The following TRIM37 variants were observed in gnomAD, a reference collection of about 807,000 sequenced individuals.
The protein encoded by TRIM37 is tripartite motif containing 37.
A neutral mutation model predicts 129.8 loss-of-function variants in TRIM37; 80 were observed. That is an observed-to-expected ratio of 0.62 (90% CI 0.51 to 0.74). The LOEUF is 0.74. TRIM37 is among the 30% of genes least tolerant of loss of function. The pLI, the probability that TRIM37 is intolerant of heterozygous loss-of-function variation, is 0.00. For missense variants in TRIM37, 1,054 were observed against 1,176.5 expected (o/e 0.90, Z 1.52); for synonymous variants, 389 against 387.1 (o/e 1.00, Z -0.06).
Position 59,017,393 on chromosome 17 carries a change from T to C in TRIM37, c.2289A>G (p.Pro763=). The C allele has an allele frequency of 6.2e-7, 1 of 1,614,148 alleles. No homozygotes were observed. Among genetic ancestry groups the C allele is most frequent in the African/African-American group, 1.3e-5 (1 of 75,048 alleles). The change falls in exon 20 of 24, where the codon CCA becomes CCG. Residue 763 remains proline (P), a synonymous_variant. Transcript: ENST00000262294. ...STNKKSNSPK[P]ARSSVAGSLS... is the part of the protein sequence containing the mutation. ...GACTACCTGCTACACTGGATCGAGCTGGCTTGGGCGAATTACTCTTCTTAT... is the reference window on the plus strand; with the variant it reads ...GACTACCTGCTACACTGGATCGAGCCGGCTTGGGCGAATTACTCTTCTTAT...
chr17:59,093,574 T>C (rs1372878006), intron 2 of TRIM37, among the ~76,000 whole-genome samples: 1 of 152,338 alleles, frequency 6.6e-6, no homozygotes, highest in South Asian at 2.1e-4. Flanking sequence ...CCCCTTCAGA[T>C]ACTTTATTAC....
the TRIM37 span, among the ~76,000 whole-genome samples, chr17:58,974,750 C>G: frequency 6.6e-6 from 1 of 152,090 alleles, no homozygotes; most frequent in African/African-American, 2.4e-5. Flanking sequence ...ACCAAAAATT[C>G]CAGAACATGA....
At chr17:59,072,761 A>G (rs2042492301) in intron 8 of TRIM37, among the ~76,000 whole-genome samples, 1 of 151,662 alleles carries the variant, frequency 6.6e-6, no homozygotes, top group African/African-American at 2.4e-5. Context: ...AAAAAAAAAA[A>G]GTATCATATA....
intron 13 of TRIM37, among the ~76,000 whole-genome samples, chr17:59,052,915 A>G (rs2040485111): frequency 6.6e-6 from 1 of 152,142 alleles, no homozygotes; most frequent in Non-Finnish European, 1.5e-5. Context: ...AGATCGCACC[A>G]CTGCACTCCA....
chr17:58,987,915 C>T (rs1161002918), intron 24 of TRIM37, among the ~76,000 whole-genome samples: 1 of 152,188 alleles, frequency 6.6e-6, no homozygotes, highest in Non-Finnish European at 1.5e-5. Flanking sequence ...CTTCCAGCTT[C>T]CACTCCGGGA....
At chr17:59,074,499 T>C (rs1218654289) in intron 8 of TRIM37, among the ~76,000 whole-genome samples, 2 of 152,142 alleles carry the variant, frequency 1.3e-5, no homozygotes, top group African/African-American at 2.4e-5. Flanking sequence ...ACAAGCCAAA[T>C]TGTCAATCAA....
At chr17:59,047,182 C>T (rs2039910805) in intron 16 of TRIM37, among the ~76,000 whole-genome samples, 1 of 151,804 alleles carries the variant, frequency 6.6e-6, no homozygotes, top group Non-Finnish European at 1.5e-5. Flanking sequence ...AAAAGTAACC[C>T]AGATTGAAGA....
At chr17:59,076,385 T>C (rs1168926610) in intron 7 of TRIM37, among the ~76,000 whole-genome samples, 1 of 151,990 alleles carries the variant, frequency 6.6e-6, no homozygotes, top group Non-Finnish European at 1.5e-5. Context: ...TACAAAAAAG[T>C]AAAAAATTAG....
intron 2 of TRIM37, among the ~76,000 whole-genome samples, 162 bp downstream of exon 2, chr17:59,104,131 A>G (rs1025803161): frequency 2.0e-5 from 3 of 152,208 alleles, no homozygotes; most frequent in Non-Finnish European, 4.4e-5. Flanking sequence ...AGCTCCTTCA[A>G]GGCAGGCAAT....
chr17:59,035,151 C>G (rs2038321046), intron 17 of TRIM37, among the ~76,000 whole-genome samples: 1 of 152,058 alleles, frequency 6.6e-6, no homozygotes, highest in South Asian at 2.1e-4. Context: ...CTTCCACCTC[C>G]CAGTTTCAAA....
At chr17:59,044,469 G>A (rs1010294190) in intron 16 of TRIM37, among the ~76,000 whole-genome samples, 1 of 152,148 alleles carries the variant, frequency 6.6e-6, no homozygotes, top group African/African-American at 2.4e-5. Context: ...GGCTGAGGCA[G>A]GGGAACTGCT....
downstream of TRIM37, among the ~76,000 whole-genome samples, chr17:58,995,670 T>C (rs1055956516): frequency 1.3e-4 from 20 of 152,280 alleles, no homozygotes; most frequent in South Asian, 3.3e-3. Flanking sequence ...ATTAGAAAAG[T>C]ACCATTAAAA....
Position 59,079,832 on chromosome 17 carries a change from G to T in TRIM37, c.538C>A (p.Arg180=). Residue 180 remains arginine (R), a synonymous_variant, in exon 7 of 24, where the codon CGG becomes AGG. Transcript: ENST00000262294. ...AVRNAKDERV[R]EIRNAVEMMI... ...ATCTCCACTGCATTCCTAATTTCCC[G>T]AACACGCTCATCTTTTGCATTTCTT... The T allele has an allele frequency of 1.2e-6, 2 of 1,613,868 alleles. No individual in the cohort carries two copies. Among genetic ancestry groups the T allele is most frequent in the Non-Finnish European group, 1.7e-6 (2 of 1,179,924 alleles).
chr17:58,996,816 G>GTGTGTA (rs2033063070), downstream of TRIM37, among the ~76,000 whole-genome samples: 1 of 150,512 alleles, frequency 6.6e-6, no homozygotes. Flanking sequence ...GTGTGTGTGT[G>GTGTGTA]TGTGTATGTA....
intron 8 of TRIM37, among the ~76,000 whole-genome samples, chr17:59,073,901 A>G (rs1183938654): frequency 6.6e-6 from 1 of 152,250 alleles, no homozygotes; most frequent in Non-Finnish European, 1.5e-5. Context: ...CAATGCTAAC[A>G]ATGCCTTCTT....
At chr17:59,088,174 CAAG>C in intron 4 of TRIM37, 114 bp downstream of exon 4, 2 of 701,172 alleles carry the variant, frequency 2.9e-6, no homozygotes, top group Non-Finnish European at 5.1e-6. Context: ...GAATTAAAAA[CAAG>C]AAATATAACA....
chr17:58,979,902 T>C, downstream of TRIM37: 1 of 1,190,770 alleles, frequency 8.4e-7, no homozygotes, highest in Non-Finnish European at 1.2e-6. Context: ...AGTCATGGCA[T>C]TGGTCATAAA....
intron 10 of TRIM37, 168 bp downstream of exon 10, chr17:59,064,187 A>G (rs1320321127): frequency 3.1e-6 from 2 of 636,768 alleles, no homozygotes; most frequent in South Asian, 4.1e-5. Flanking sequence ...TAAAGATACA[A>G]TATAATCCAG....
rs541201881 is a variant in TRIM37, at chr17:59,103,647, C to T, written c.123+646G>A. Among the ~76,000 whole-genome samples the T allele has an allele frequency of 1.4e-3, 201 of 143,146 alleles. 1 individual carries two copies. Among genetic ancestry groups the T allele is most frequent in the Admixed American group, 0.01 (141 of 14,074 alleles). The allele number at this position is 143,146 out of a possible 152,430, so 93.9% of individuals were successfully genotyped here. Reference sequence around the variant, plus strand: ...GGGCCACCGCGCTCAGGCCAACATTCAAGTTTTTTTTTTTTTTTTGAGACG... The same window carrying T: ...GGGCCACCGCGCTCAGGCCAACATTTAAGTTTTTTTTTTTTTTTTGAGACG... On this transcript the variant is annotated intron_variant, in intron 2 of 23. Transcript: ENST00000262294.
Sources: allele counts gnomAD v4.1 joint callset (sites outside exome capture counted in the v4.1 genomes callset), GRCh38; gene constraint gnomAD v4.1.1; transcripts MANE v1.5; gene names NCBI Gene and HGNC (gene_info 2026-07-23, HGNC 2026-07-21).